Variants in RAPGEF2 observed in about 807,000 individuals in gnomAD.
RAPGEF2 encodes the protein PDZ domain containing guanine nucleotide exchange factor (GEF) 1.
RAPGEF2 carries 54 observed loss-of-function variants against 186.7 expected under a neutral mutation model. The ratio of observed to expected loss-of-function variants is 0.29; its 90% CI spans 0.23 to 0.36. The LOEUF is 0.36. RAPGEF2 is among the 10% of genes least tolerant of loss of function. RAPGEF2 has a pLI of 1.00. For missense variants in RAPGEF2, 1,532 were observed against 2,045.0 expected (o/e 0.75, Z 4.84); for synonymous variants, 712 against 705.9 (o/e 1.01, Z -0.14).
chr4:159,329,417 T>C (rs552663137), intron 11 of RAPGEF2: 1 of 152,718 alleles, frequency 6.5e-6, no homozygotes, highest in Admixed American at 6.5e-5. Context: ...TCCATAGGTA[T>C]CTTTGAGTGT....
intron 7 of RAPGEF2, among the ~76,000 whole-genome samples, chr4:159,299,318 TAAATACATTTCAGTCAATAG>T (rs1301246602): frequency 2.6e-5 from 4 of 152,154 alleles, no homozygotes; most frequent in Non-Finnish European, 5.9e-5. Flanking sequence ...AATTATCAGT[TAAATACATTTCAGTCAATAG>T]ACAGTATTTT....
chr4:159,105,582 A>G (rs1046988421), intron 1 of RAPGEF2, among the ~76,000 whole-genome samples: 2 of 152,238 alleles, frequency 1.3e-5, no homozygotes, highest in African/African-American at 2.4e-5. Context: ...TGTCTCCAGA[A>G]AGTTCCCATT....
chr4:159,197,157 CAT>C (rs1313924481), intron 3 of RAPGEF2, among the ~76,000 whole-genome samples: 3 of 152,084 alleles, frequency 2.0e-5, no homozygotes, highest in Non-Finnish European at 4.4e-5. Context: ...AAATGAGAAA[CAT>C]ATATGTAAAA....
At chr4:159,177,499 C>G (rs1272912082) in intron 1 of RAPGEF2, among the ~76,000 whole-genome samples, 1 of 152,162 alleles carries the variant, frequency 6.6e-6, no homozygotes, top group African/African-American at 2.4e-5. Flanking sequence ...CTAACAAACC[C>G]AGGGTCACAC....
At chr4:159,247,848 T>C (rs1034448286) in intron 7 of RAPGEF2, among the ~76,000 whole-genome samples, 3 of 146,888 alleles carry the variant, frequency 2.0e-5, no homozygotes, top group Non-Finnish European at 4.5e-5. Flanking sequence ...CCGCAACTTC[T>C]GCCTCCTGGG....
chr4:159,227,715 C>T lies in RAPGEF2; in HGVS notation c.282-11094C>T, dbSNP rs562236288. 1.8e-4 allele frequency among the ~76,000 whole-genome samples: 27 copies of T among 152,350 alleles called. No homozygotes were observed. In the South Asian group the frequency reaches 5.6e-3, roughly 32 times the overall value. The stretch of plus-strand genomic sequence containing the variant: ...TTTAGATTGTGGCAAGAGAGAAAAA[C>T]TGCTTGCTCTCTTCACCCCAATACA... On this transcript the variant is annotated intron_variant, in intron 4 of 29. Transcript: ENST00000691494.
At chr4:159,113,179 G>A (rs1180496897) in intron 1 of RAPGEF2, among the ~76,000 whole-genome samples, 1 of 152,086 alleles carries the variant, frequency 6.6e-6, no homozygotes, top group Non-Finnish European at 1.5e-5. Context: ...ATGTAATGTA[G>A]GATTCTGGAA....
At chr4:159,199,255 C>T (rs1749149479) in intron 3 of RAPGEF2, among the ~76,000 whole-genome samples, 3 of 152,060 alleles carry the variant, frequency 2.0e-5, no homozygotes, top group South Asian at 2.1e-4. Context: ...TATGTACATA[C>T]GGAGATCCTT....
chr4:159,253,944 A>G (rs906331252), intron 7 of RAPGEF2, among the ~76,000 whole-genome samples: 3 of 152,116 alleles, frequency 2.0e-5, no homozygotes, highest in Non-Finnish European at 4.4e-5. Context: ...CTCCGTCTCA[A>G]AAAAAAAGAA....
chr4:159,335,387 G>A (rs1561301673), intron 17 of RAPGEF2, among the ~76,000 whole-genome samples: 1 of 152,200 alleles, frequency 6.6e-6, no homozygotes, highest in Non-Finnish European at 1.5e-5. Flanking sequence ...AGAATCCTAA[G>A]AGGATGTGCC....
intron 17 of RAPGEF2, among the ~76,000 whole-genome samples, chr4:159,333,829 T>A (rs957691125): frequency 1.3e-5 from 2 of 152,248 alleles, no homozygotes; most frequent in East Asian, 3.8e-4. Context: ...TTTGATAATT[T>A]AATGGGTCTA....
intron 1 of RAPGEF2, among the ~76,000 whole-genome samples, chr4:159,160,256 G>A (rs1744568917): frequency 6.6e-6 from 1 of 152,132 alleles, no homozygotes; most frequent in African/African-American, 2.4e-5. Context: ...TATATAAAAT[G>A]TTAATAATAT....
chr4:159,145,498 A>T (rs1309439115), intron 1 of RAPGEF2, among the ~76,000 whole-genome samples: 1 of 152,164 alleles, frequency 6.6e-6, no homozygotes, highest in Non-Finnish European at 1.5e-5. Context: ...ATTGCCAAAA[A>T]CATTGCCAAA....
At chr4:159,159,033 G>A (rs1219938144) in intron 1 of RAPGEF2, among the ~76,000 whole-genome samples, 1 of 152,162 alleles carries the variant, frequency 6.6e-6, no homozygotes, top group East Asian at 1.9e-4. Flanking sequence ...TTTTTATATG[G>A]TGAAATGAAA....
chr4:159,142,363 T>C (rs1426381692), intron 1 of RAPGEF2, among the ~76,000 whole-genome samples: 1 of 152,126 alleles, frequency 6.6e-6, no homozygotes, highest in Admixed American at 6.5e-5. Context: ...TATTTGAAAA[T>C]AAATTATAAG....
At chr4:159,251,800 A>C (rs908878085) in intron 7 of RAPGEF2, among the ~76,000 whole-genome samples, 5 of 152,006 alleles carry the variant, frequency 3.3e-5, no homozygotes, top group African/African-American at 1.2e-4. Context: ...TGGACCAATC[A>C]GCAGGATGTG....
chr4:159,204,093 G>T (rs993094521), intron 3 of RAPGEF2, among the ~76,000 whole-genome samples: 2 of 152,232 alleles, frequency 1.3e-5, no homozygotes, highest in Non-Finnish European at 2.9e-5. Flanking sequence ...CTGAGCAAAT[G>T]ATCACTGAAA....
chr4:159,265,017 T>C lies in RAPGEF2; in HGVS notation c.543+21226T>C, dbSNP rs538999192. Among the ~76,000 whole-genome samples, 13 of 152,328 alleles carry C rather than the reference T, an allele frequency of 8.5e-5. No individual in the cohort carries two copies. In the East Asian group the frequency reaches 2.5e-3, roughly 29 times the overall value. On this transcript the variant is annotated intron_variant, in intron 7 of 29. Transcript: ENST00000691494. ...TTTTATCTGTCGATGAACACTTGGGTTGCTTCTACCGTTTGGCAACAGTTT... is the reference window on the plus strand; with the variant it reads ...TTTTATCTGTCGATGAACACTTGGGCTGCTTCTACCGTTTGGCAACAGTTT...
At chr4:159,306,187 G>A (rs1218700040) in intron 8 of RAPGEF2, among the ~76,000 whole-genome samples, 1 of 151,582 alleles carries the variant, frequency 6.6e-6, no homozygotes, top group East Asian at 1.9e-4. Context: ...GATTTTGATA[G>A]GAATTACATT....
Sources: gnomAD v4.1 joint callset for allele counts (sites outside exome capture counted in the v4.1 genomes callset) on GRCh38, gnomAD v4.1.1 for gene constraint, MANE v1.5 for transcripts, NCBI Gene and HGNC (gene_info 2026-07-23, HGNC 2026-07-21) for gene names.